TRHDE: variants seen among roughly 807,000 people sequenced by gnomAD.
TRHDE encodes thyrotropin-releasing hormone-degrading ectoenzyme.
A neutral mutation model predicts 125.7 loss-of-function variants in TRHDE; 72 were observed. That is an observed-to-expected ratio of 0.57 (90% CI 0.47 to 0.70). The LOEUF (loss-of-function observed/expected upper bound fraction) is 0.70, where lower values mean the gene tolerates loss of function less well. Among genes scored for constraint, TRHDE ranks in the 30% least tolerant of loss-of-function variants. The pLI is 0.00. For synonymous variants in TRHDE, 509 were observed against 509.1 expected (o/e 1.00, Z 0.00); for missense variants, 1,110 against 1,327.1 (o/e 0.84, Z 2.54).
chr12:72,517,021 T>C (rs1177450561), intron 6 of TRHDE, among the ~76,000 whole-genome samples: 1 of 152,098 alleles, frequency 6.6e-6, no homozygotes, highest in Non-Finnish European at 1.5e-5. Context: ...ATAAGCTTTT[T>C]GATGTGCTGC....
chr12:72,665,174 G>A lies in TRHDE; in HGVS notation c.*1979G>A, dbSNP rs1292805481. On this transcript the variant is annotated 3_prime_UTR_variant, in exon 19 of 19. Coordinates refer to ENST00000261180, the MANE Select transcript of TRHDE (RefSeq NM_013381.3). ...ACCACTGAATTCATGTAATAGATAAGAAAAAAATTAGAGGTGGATGTCTTG... is the reference window on the plus strand; with the variant it reads ...ACCACTGAATTCATGTAATAGATAAAAAAAAAATTAGAGGTGGATGTCTTG... 1 of 151,892 alleles carries A rather than the reference G, an allele frequency of 6.6e-6. No homozygotes were observed. Among genetic ancestry groups the A allele is most frequent in the Non-Finnish European group, 1.5e-5 (1 of 67,896 alleles). The allele number at this position is 151,892 out of a possible 1,614,324, so 9.4% of individuals were successfully genotyped here. A position where few individuals can be genotyped will look rare whatever the true frequency, so the allele number is the denominator to read the frequency against.
At chr12:72,550,681 AAAT>A (rs1869633475) in intron 7 of TRHDE, among the ~76,000 whole-genome samples, 1 of 151,900 alleles carries the variant, frequency 6.6e-6, no homozygotes, top group Non-Finnish European at 1.5e-5. Context: ...AATTTTTGTT[AAAT>A]AACACTCTAA....
chr12:72,615,491 C>G (rs866787086), intron 12 of TRHDE, among the ~76,000 whole-genome samples: 1 of 152,094 alleles, frequency 6.6e-6, no homozygotes, highest in Admixed American at 6.6e-5. Flanking sequence ...AAACACACAT[C>G]TGAGCTAGGT....
intron 15 of TRHDE, among the ~76,000 whole-genome samples, chr12:72,631,764 T>C (rs756354695): frequency 1.3e-5 from 2 of 151,804 alleles, no homozygotes; most frequent in African/African-American, 2.4e-5. Context: ...CCATTTTTGG[T>C]TGGGAAACTT....
intron 1 of TRHDE, among the ~76,000 whole-genome samples, chr12:72,280,249 A>C (rs971774557): frequency 6.6e-6 from 1 of 152,178 alleles, no homozygotes; most frequent in Non-Finnish European, 1.5e-5. Context: ...TCTATTGTAC[A>C]GGGTTGTTGT....
intron 3 of TRHDE, among the ~76,000 whole-genome samples, chr12:72,455,636 G>A (rs1011569547): frequency 1.3e-5 from 2 of 152,102 alleles, no homozygotes; most frequent in Non-Finnish European, 2.9e-5. Flanking sequence ...TTACCTAGTA[G>A]TCAACAACTT....
At chr12:72,401,458 G>A (rs1238093995) in intron 3 of TRHDE, among the ~76,000 whole-genome samples, 10 of 152,162 alleles carry the variant, frequency 6.6e-5, no homozygotes, top group Admixed American at 6.6e-4. Flanking sequence ...TTGCACCCAA[G>A]TAATGCACTC....
In TRHDE at chr12:72,670,189, G is replaced by T. The variant is rs1370976834; in HGVS notation, c.*6994G>T. ...TCCTTTCTAACATTTTATGATTTAGGAATTAAAAAGTAGCTGTTCTTTCAG... is the reference window on the plus strand; with the variant it reads ...TCCTTTCTAACATTTTATGATTTAGTAATTAAAAAGTAGCTGTTCTTTCAG... On this transcript the variant is annotated 3_prime_UTR_variant, in exon 19 of 19. Transcript: ENST00000261180. 1 of 151,696 alleles carries T rather than the reference G, an allele frequency of 6.6e-6. No homozygotes were observed. Among genetic ancestry groups the T allele is most frequent in the African/African-American group, 2.4e-5 (1 of 41,380 alleles). 9.4% of individuals were successfully genotyped at this position (151,696 alleles called of 1,614,324 possible). A position where few individuals can be genotyped will look rare whatever the true frequency, so the allele number is the denominator to read the frequency against.
At chr12:72,446,090 TG>T (rs1279407543) in intron 3 of TRHDE, among the ~76,000 whole-genome samples, 1 of 151,624 alleles carries the variant, frequency 6.6e-6, no homozygotes, top group Non-Finnish European at 1.5e-5. Flanking sequence ...GTGAATCACC[TG>T]GGGACCTGTC....
intron 7 of TRHDE, among the ~76,000 whole-genome samples, chr12:72,543,385 C>G (rs1290308429): frequency 6.6e-6 from 1 of 151,396 alleles, no homozygotes; most frequent in Non-Finnish European, 1.5e-5. Context: ...TTTGTTCCAG[C>G]AGGGTTTGAA....
intron 15 of TRHDE, among the ~76,000 whole-genome samples, chr12:72,645,890 A>G (rs897768324): frequency 3.3e-5 from 5 of 152,148 alleles, no homozygotes; most frequent in Admixed American, 2.6e-4. Flanking sequence ...TACAAATAAA[A>G]GAAAAATAAT....
intron 2 of TRHDE, among the ~76,000 whole-genome samples, chr12:72,176,075 G>A (rs922475487): frequency 1.3e-5 from 2 of 152,170 alleles, no homozygotes; most frequent in South Asian, 2.1e-4. Context: ...TTTCTGGTCC[G>A]GCCAGGTATG....
intron 2 of TRHDE, among the ~76,000 whole-genome samples, chr12:72,297,019 G>A (rs1457212878): frequency 6.6e-6 from 1 of 152,146 alleles, no homozygotes; most frequent in Non-Finnish European, 1.5e-5. Context: ...GATGTTAATG[G>A]CTTGTGTCTG....
At chr12:72,507,337 G>A (rs764130180) in intron 6 of TRHDE, among the ~76,000 whole-genome samples, 4 of 152,178 alleles carry the variant, frequency 2.6e-5, no homozygotes, top group Non-Finnish European at 5.9e-5. Context: ...GAAGAAGACA[G>A]GAAGACGTGG....
At chr12:72,420,358 G>A (rs530195106) in intron 3 of TRHDE, among the ~76,000 whole-genome samples, 1 of 152,254 alleles carries the variant, frequency 6.6e-6, no homozygotes, top group South Asian at 2.1e-4. Context: ...ATGATGGTTA[G>A]GAGCTGAGGA....
chr12:72,491,062 T>TTTAC (rs1877656648), intron 5 of TRHDE, among the ~76,000 whole-genome samples: 1 of 151,784 alleles, frequency 6.6e-6, no homozygotes, highest in South Asian at 2.1e-4. Context: ...TAGTAACTAT[T>TTTAC]TTACTATCTA....
intron 1 of TRHDE, among the ~76,000 whole-genome samples, chr12:72,095,902 C>G (rs1482826071): frequency 6.6e-6 from 1 of 151,982 alleles, no homozygotes; most frequent in Non-Finnish European, 1.5e-5. Flanking sequence ...AGCAGATTGC[C>G]CTCTATAATG....
chr12:72,156,049 C>G (rs188230639), intron 2 of TRHDE, among the ~76,000 whole-genome samples: 1 of 152,182 alleles, frequency 6.6e-6, no homozygotes, highest in African/African-American at 2.4e-5. Flanking sequence ...CCACCCAGTT[C>G]GAGCTTCCAG....
chr12:72,584,758 C>A (rs1289749116), intron 12 of TRHDE, among the ~76,000 whole-genome samples: 2 of 152,032 alleles, frequency 1.3e-5, no homozygotes, highest in Non-Finnish European at 1.5e-5. Flanking sequence ...AATAGTGTTC[C>A]ATTTTGTGTA....
Sources: allele counts gnomAD v4.1 joint callset (sites outside exome capture counted in the v4.1 genomes callset), GRCh38; gene constraint gnomAD v4.1.1; transcripts MANE v1.5; gene names NCBI Gene and HGNC (gene_info 2026-07-23, HGNC 2026-07-21).